PTPRM: variants seen among roughly 807,000 people sequenced by gnomAD.
The protein encoded by PTPRM is protein tyrosine phosphatase receptor type M.
PTPRM carries 47 observed loss-of-function variants against 186.7 expected under a neutral mutation model. The observed-to-expected ratio is 0.25, with a 90% CI of 0.20 to 0.32. The LOEUF is 0.32. Ranked by LOEUF, PTPRM falls within the 10% of genes least tolerant of loss-of-function variation. PTPRM has a pLI of 1.00. For synonymous variants in PTPRM, 668 were observed against 674.9 expected (o/e 0.99, Z 0.16); for missense variants, 1,494 against 1,865.0 (o/e 0.80, Z 3.66).
At chr18:8,402,945 G>A (rs1036974768) in intron 32 of PTPRM, 1 of 152,206 alleles carries the variant, frequency 6.6e-6, no homozygotes, top group African/African-American at 2.4e-5. Flanking sequence ...TGCACTAGGA[G>A]ATAATTTAAG....
intron 13 of PTPRM, among the ~76,000 whole-genome samples, chr18:8,117,210 A>G (rs2091989237): frequency 6.6e-6 from 1 of 152,210 alleles, no homozygotes. Context: ...AGAAATAGGA[A>G]GATCTAATAA....
At chr18:7,663,187 A>G (rs572537351) in intron 1 of PTPRM, among the ~76,000 whole-genome samples, 229 of 152,288 alleles carry the variant, frequency 1.5e-3, no homozygotes, top group Non-Finnish European at 2.7e-3. Flanking sequence ...GGACATAAGG[A>G]AAGGTCACGC....
At chr18:7,692,614 A>C (rs939823262) in intron 1 of PTPRM, among the ~76,000 whole-genome samples, 3 of 152,202 alleles carry the variant, frequency 2.0e-5, no homozygotes, top group African/African-American at 7.2e-5. Flanking sequence ...GATAATTAGA[A>C]ATTTTTCAGT....
At chr18:8,380,259 C>G in intron 28 of PTPRM, 37 bp from the exon 29 acceptor site, 1 of 1,600,244 alleles carries the variant, frequency 6.2e-7, no homozygotes, top group Non-Finnish European at 8.6e-7. Flanking sequence ...TCCCATTTTC[C>G]TGAGTATATT....
intron 14 of PTPRM, among the ~76,000 whole-genome samples, chr18:8,205,387 A>T (rs975440645): frequency 6.6e-6 from 1 of 152,172 alleles, no homozygotes; most frequent in African/African-American, 2.4e-5. Context: ...TTATGATTTC[A>T]TTTTTGAGGT....
intron 4 of PTPRM, among the ~76,000 whole-genome samples, chr18:7,922,825 T>G (rs2050942855): frequency 6.6e-6 from 1 of 152,192 alleles, no homozygotes; most frequent in Non-Finnish European, 1.5e-5. Flanking sequence ...TTATGAAAAC[T>G]TTTATCTTAG....
intron 19 of PTPRM, among the ~76,000 whole-genome samples, chr18:8,290,492 AT>A: frequency 6.6e-6 from 1 of 152,022 alleles, no homozygotes; most frequent in Non-Finnish European, 1.5e-5. Context: ...ACTGAGATGT[AT>A]AATTATATCC....
chr18:7,658,595 T>C (rs1395195648), intron 1 of PTPRM, among the ~76,000 whole-genome samples: 1 of 152,032 alleles, frequency 6.6e-6, no homozygotes, highest in Admixed American at 6.6e-5. Flanking sequence ...AGACGTTTTA[T>C]TCAAGGATGG....
At chr18:7,997,984 TA>T (rs1311784601) in intron 7 of PTPRM, among the ~76,000 whole-genome samples, 1 of 152,140 alleles carries the variant, frequency 6.6e-6, no homozygotes, top group Non-Finnish European at 1.5e-5. Flanking sequence ...CCTCTAAAAC[TA>T]AAAATAGAAC....
At chr18:7,719,423 T>G (rs2040406077) in intron 1 of PTPRM, among the ~76,000 whole-genome samples, 4 of 152,064 alleles carry the variant, frequency 2.6e-5, no homozygotes. Flanking sequence ...AGATGACATA[T>G]TGGGTACAGT....
intron 4 of PTPRM, among the ~76,000 whole-genome samples, chr18:7,921,363 G>T (rs1044904312): frequency 3.3e-4 from 48 of 147,382 alleles, no homozygotes; most frequent in African/African-American, 1.1e-3. Context: ...CCATTCTGTT[G>T]TTAAGAGCCT....
At chr18:8,066,968 C>T (rs1206558243) in intron 7 of PTPRM, among the ~76,000 whole-genome samples, 2 of 152,128 alleles carry the variant, frequency 1.3e-5, no homozygotes. Flanking sequence ...CAGACAGAAG[C>T]CTTTGTTTTC....
chr18:8,278,446 GA>G (rs2094862577), intron 19 of PTPRM, among the ~76,000 whole-genome samples: 1 of 152,180 alleles, frequency 6.6e-6, no homozygotes, highest in African/African-American at 2.4e-5. Flanking sequence ...AGAAAGTGAA[GA>G]GGCATTTTGC....
chr18:7,646,398 A>G (rs981664275), intron 1 of PTPRM, among the ~76,000 whole-genome samples: 2 of 152,158 alleles, frequency 1.3e-5, no homozygotes, highest in African/African-American at 4.8e-5. Context: ...ACCATTGATG[A>G]CAAGATGATA....
chr18:8,397,482 A>G (rs2095850754), intron 32 of PTPRM, among the ~76,000 whole-genome samples: 1 of 152,242 alleles, frequency 6.6e-6, no homozygotes, highest in Admixed American at 6.5e-5. Flanking sequence ...AAGCCAGTGG[A>G]TTGCCAGGAG....
intron 14 of PTPRM, among the ~76,000 whole-genome samples, chr18:8,206,081 G>A (rs999206774): frequency 2.3e-4 from 35 of 151,966 alleles, no homozygotes; most frequent in African/African-American, 8.5e-4. Flanking sequence ...GGAGTTGAGC[G>A]AAAAGAGAGG....
intron 5 of PTPRM, among the ~76,000 whole-genome samples, chr18:7,930,874 T>C (rs1211509037): frequency 6.6e-6 from 1 of 152,118 alleles, no homozygotes; most frequent in East Asian, 1.9e-4. Flanking sequence ...AAGAAATGTT[T>C]ATGATTAACA....
At chr18:8,168,872 C>T (rs1274524092) in intron 14 of PTPRM, among the ~76,000 whole-genome samples, 1 of 152,146 alleles carries the variant, frequency 6.6e-6, no homozygotes, top group Non-Finnish European at 1.5e-5. Context: ...GTGTTCACAC[C>T]TTTACTTATA....
At position 7,694,013 on chromosome 18, in the gene PTPRM, C is replaced by T. The variant is rs143302540; in HGVS notation, c.74-80136C>T. Among the ~76,000 whole-genome samples, 69 of 152,244 alleles carry T rather than the reference C, an allele frequency of 4.5e-4. 1 individual carries two copies. The highest frequency in any genetic ancestry group is 1.5e-3 in the African/African-American group (64 of 41,556). The stretch of plus-strand genomic sequence containing the variant: ...GATACCTGACTACTACTCAGTAGGC[C>T]GTGGGGTGTCACAGAAATCCTTGGA... On this transcript the variant is annotated intron_variant, in intron 1 of 32. Transcript: ENST00000580170.
Sources: allele counts gnomAD v4.1 joint callset (sites outside exome capture counted in the v4.1 genomes callset), GRCh38; gene constraint gnomAD v4.1.1; transcripts MANE v1.5; gene names NCBI Gene and HGNC (gene_info 2026-07-23, HGNC 2026-07-21).